The following BMS1 variants were observed in gnomAD, a reference collection of about 807,000 sequenced individuals.
BMS1 encodes the protein BMS1 ribosome biogenesis factor, also known as ribosome biogenesis protein BMS1 homolog.
Under a neutral mutation model 138.7 loss-of-function variants are expected in BMS1, and 53 were observed. The ratio of observed to expected loss-of-function variants is 0.38; its 90% CI spans 0.31 to 0.48. BMS1 has a LOEUF of 0.48. BMS1 is among the 20% of genes least tolerant of loss of function. BMS1 has a pLI of 0.97. For missense variants in BMS1, 1,360 were observed against 1,565.5 expected, an observed-to-expected ratio of 0.87 and a Z score of 2.22; for synonymous variants, 504 against 539.9, an observed-to-expected ratio of 0.93 and a Z score of 0.92.
At chr10:42,827,596 C>T (rs1451992936) in intron 21 of BMS1, among the ~76,000 whole-genome samples, 1 of 152,146 alleles carries the variant, frequency 6.6e-6, no homozygotes, top group Non-Finnish European at 1.5e-5. Flanking sequence ...TGCTGGGCCC[C>T]TCTTGCTTCC....
At chr10:42,827,538 G>T (rs906178326) in intron 21 of BMS1, among the ~76,000 whole-genome samples, 6 of 152,192 alleles carry the variant, frequency 3.9e-5, no homozygotes, top group African/African-American at 1.4e-4. Flanking sequence ...GCTGGTCCAT[G>T]GGGGTGGGGC....
rs182842175 is a variant in BMS1, at chr10:42,790,767, T to C, written c.636+256T>C. ...CAGGAGGCTGAGAAGTGAGAATTGC[T>C]TGAACCTAGGAGGCAGAGGGTGCAG... On this transcript the variant is annotated intron_variant, in intron 5 of 22. Transcript: ENST00000374518. Among the ~76,000 whole-genome samples, 657 of 152,184 alleles carry C rather than the reference T, an allele frequency of 4.3e-3. 8 individuals carry two copies. The highest frequency in any genetic ancestry group is 6.5e-3 in the Non-Finnish European group (445 of 67,992).
At chr10:42,784,593 C>T in intron 2 of BMS1, 23 bp downstream of exon 2, 1 of 1,535,106 alleles carries the variant, frequency 6.5e-7, no homozygotes, top group Non-Finnish European at 8.7e-7. Flanking sequence ...ACGGTCTGGT[C>T]ATTCTTCCAT....
intron 13 of BMS1, among the ~76,000 whole-genome samples, chr10:42,808,446 C>T (rs1842075869): frequency 6.6e-6 from 1 of 151,608 alleles, no homozygotes; most frequent in African/African-American, 2.4e-5. Flanking sequence ...CTACAGGCGC[C>T]CACCACCACA....
chr10:42,806,691 C>T (rs59856537), intron 13 of BMS1, among the ~76,000 whole-genome samples: 25,536 of 148,522 alleles, frequency 0.17, 2,286 homozygotes, highest in Middle Eastern at 0.25. Flanking sequence ...GCTGAGATCG[C>T]GCCACTGTAC....
intron 1 of BMS1, among the ~76,000 whole-genome samples, chr10:42,783,946 A>G (rs757427707): frequency 5.1e-4 from 77 of 152,218 alleles, no homozygotes; most frequent in Non-Finnish European, 1.0e-3. Flanking sequence ...GCTGTCCAGT[A>G]TGGTAGCCAC....
chr10:42,785,759 C>T, intron 3 of BMS1, 87 bp downstream of exon 3: 1 of 1,396,236 alleles, frequency 7.2e-7, no homozygotes, highest in African/African-American at 1.4e-5. Flanking sequence ...TTGAGTGGAA[C>T]ATGTTAAATA....
chr10:42,809,828 C>T (rs1037782864), intron 13 of BMS1, among the ~76,000 whole-genome samples: 1 of 152,174 alleles, frequency 6.6e-6, no homozygotes, highest in African/African-American at 2.4e-5. Flanking sequence ...CTCTGTCACC[C>T]AGGCTGGAGT....
intron 13 of BMS1, among the ~76,000 whole-genome samples, chr10:42,814,311 G>T (rs775669955): frequency 7.2e-5 from 11 of 152,110 alleles, no homozygotes; most frequent in Non-Finnish European, 1.6e-4. Context: ...TTTAGACTGG[G>T]TGAATTCTGT....
At chr10:42,785,774 CAT>C in intron 3 of BMS1, 102 bp downstream of exon 3, 9 of 1,302,508 alleles carry the variant, frequency 6.9e-6, no homozygotes, top group Non-Finnish European at 9.7e-6. Context: ...TAAATATTGT[CAT>C]ATCATGGGAC....
intron 13 of BMS1, among the ~76,000 whole-genome samples, chr10:42,804,329 T>G (rs1387045078): frequency 6.6e-6 from 1 of 152,228 alleles, no homozygotes; most frequent in African/African-American, 2.4e-5. Flanking sequence ...TCCAAAGTGT[T>G]TATACCATTT....
chr10:42,800,225 A>G (rs1841828269), intron 12 of BMS1, among the ~76,000 whole-genome samples: 1 of 152,176 alleles, frequency 6.6e-6, no homozygotes, highest in South Asian at 2.1e-4. Context: ...TGTAGACAAA[A>G]CATCTAGCAG....
intron 6 of BMS1, among the ~76,000 whole-genome samples, chr10:42,792,194 C>T (rs1483948371): frequency 6.6e-6 from 1 of 152,128 alleles, no homozygotes; most frequent in Non-Finnish European, 1.5e-5. Context: ...AGCACAGGCT[C>T]GCCCTCTTCC....
intron 15 of BMS1, 67 bp downstream of exon 15, chr10:42,817,561 T>C (rs1369000841): frequency 5.4e-6 from 8 of 1,481,590 alleles, no homozygotes; most frequent in Non-Finnish European, 5.4e-6. Flanking sequence ...TCCCTGACTT[T>C]GTTTGGGTCC....
intron 12 of BMS1, among the ~76,000 whole-genome samples, chr10:42,799,913 G>C (rs1841815843): frequency 6.6e-6 from 1 of 151,922 alleles, no homozygotes. Flanking sequence ...TTCTTTCTTT[G>C]GTTACATTTT....
intron 12 of BMS1, among the ~76,000 whole-genome samples, chr10:42,801,379 T>C (rs764774515): frequency 3.9e-5 from 6 of 152,256 alleles, no homozygotes; most frequent in Non-Finnish European, 7.3e-5. Context: ...ATATGACTAC[T>C]GAAAACAGTT....
At position 42,790,464 on chromosome 10, in the gene BMS1, A is replaced by T; in HGVS notation, c.589A>T (p.Lys197Ter). 6.2e-7 allele frequency: 1 copy of T among 1,613,934 alleles called. No individual in the cohort carries two copies. The highest frequency in any genetic ancestry group is 8.5e-7 in the Non-Finnish European group (1 of 1,179,870). Residue 197 changes from lysine to a stop codon, truncating the protein, a stop_gained, in exon 5 of 23, where the codon AAG becomes TAG. Transcript: ENST00000374518. LOFTEE classifies it high-confidence loss of function. ...DSFKHNKQLK[K>*]TKKRLKHRFW... ...CTTCAAGCATAATAAGCAACTGAAG[A>T]AGACAAAGAAGCGATTAAAACACAG...
chr10:42,822,812 A>C (rs1169290551), intron 19 of BMS1, among the ~76,000 whole-genome samples: 2 of 152,192 alleles, frequency 1.3e-5, no homozygotes, highest in African/African-American at 4.8e-5. Context: ...GTCCAGTCTG[A>C]GAGATGCCAG....
At chr10:42,788,427 A>G (rs1841404424) in intron 4 of BMS1, among the ~76,000 whole-genome samples, 1 of 152,206 alleles carries the variant, frequency 6.6e-6, no homozygotes, top group African/African-American at 2.4e-5. Context: ...ACAGAAGCAT[A>G]CAATGTGTGA....
Sources: allele counts gnomAD v4.1 joint callset (sites outside exome capture counted in the v4.1 genomes callset), GRCh38; gene constraint gnomAD v4.1.1; transcripts MANE v1.5; gene names NCBI Gene and HGNC (gene_info 2026-07-23, HGNC 2026-07-21).